The following GRM8 variants were observed in gnomAD, a reference collection of about 807,000 sequenced individuals.
GRM8 encodes metabotropic glutamate receptor 8.
Under a neutral mutation model 87.2 loss-of-function variants are expected in GRM8, and 47 were observed. The ratio of observed to expected loss-of-function variants is 0.54; its 90% confidence interval spans 0.43 to 0.69. The LOEUF (loss-of-function observed/expected upper bound fraction) is 0.69. Ranked by LOEUF, GRM8 falls within the 30% of genes least tolerant of loss-of-function variation. The pLI is 0.00. For synonymous variants in GRM8, 396 were observed against 404.5 expected (o/e 0.98, Z 0.25); for missense variants, 1,019 against 1,139.2 (o/e 0.89, Z 1.52).
At chr7:126,523,208 G>A (rs1813258852) in intron 9 of GRM8, among the ~76,000 whole-genome samples, 1 of 152,110 alleles carries the variant, frequency 6.6e-6, no homozygotes, top group South Asian at 2.1e-4. Flanking sequence ...CCCCTAATAT[G>A]AAAATGTACC....
At chr7:126,611,743 A>G (rs892509365) in intron 7 of GRM8, among the ~76,000 whole-genome samples, 1 of 152,342 alleles carries the variant, frequency 6.6e-6, no homozygotes, top group East Asian at 1.9e-4. Context: ...AAGATGAAAT[A>G]ATGTAATTTG....
chr7:126,793,306 TAAGAG>T (rs1313070586), intron 6 of GRM8, among the ~76,000 whole-genome samples: 2 of 152,166 alleles, frequency 1.3e-5, no homozygotes, highest in African/African-American at 4.8e-5. Flanking sequence ...TTTGCTGTAA[TAAGAG>T]AAGGTTATGA....
chr7:126,632,649 G>T (rs6959061), intron 7 of GRM8, among the ~76,000 whole-genome samples: 80,297 of 151,922 alleles, frequency 0.53, 21,619 homozygotes, highest in South Asian at 0.65. Flanking sequence ...CCATCAATAA[G>T]AGACTGGATA....
At chr7:126,847,150 A>C (rs1213359167) in intron 6 of GRM8, among the ~76,000 whole-genome samples, 1 of 152,176 alleles carries the variant, frequency 6.6e-6, no homozygotes, top group Non-Finnish European at 1.5e-5. Context: ...TGTCTAATAT[A>C]TCCCAAGCCT....
At chr7:126,451,428 A>G (rs1802606344) in intron 9 of GRM8, among the ~76,000 whole-genome samples, 1 of 151,768 alleles carries the variant, frequency 6.6e-6, no homozygotes. Flanking sequence ...CACTGGTGTT[A>G]CATTGCTCAG....
chr7:126,526,272 G>A (rs553068193), intron 9 of GRM8, among the ~76,000 whole-genome samples: 1 of 152,158 alleles, frequency 6.6e-6, no homozygotes, highest in Non-Finnish European at 1.5e-5. Flanking sequence ...TTAGGTTTGT[G>A]TATATGATAT....
chr7:126,989,783 T>C (rs951832196), intron 3 of GRM8, among the ~76,000 whole-genome samples: 1 of 147,486 alleles, frequency 6.8e-6, no homozygotes, highest in African/African-American at 2.7e-5. Context: ...CTTTACAAAA[T>C]GTACAGAAAA....
At chr7:127,153,749 T>C (rs1162475434) in intron 2 of GRM8, among the ~76,000 whole-genome samples, 2 of 152,138 alleles carry the variant, frequency 1.3e-5, no homozygotes, top group African/African-American at 4.8e-5. Context: ...TGGCACAAGG[T>C]AGATGCTCAT....
intron 2 of GRM8, among the ~76,000 whole-genome samples, chr7:127,170,595 C>T (rs144729762): frequency 2.6e-4 from 39 of 152,252 alleles, no homozygotes; most frequent in Non-Finnish European, 4.7e-4. Context: ...CAGCCCAAAT[C>T]CCCATCAATC....
Position 126,438,980 on chromosome 7 carries a change from AT to A in GRM8, c.*138del. 1 of 648,340 alleles carries A rather than the reference AT, an allele frequency of 1.5e-6. No homozygotes were observed. The highest frequency in any genetic ancestry group is 2.8e-6 in the Non-Finnish European group (1 of 358,594). 40.2% of individuals were successfully genotyped at this position (648,340 alleles called of 1,614,324 possible). A position where few individuals can be genotyped will look rare whatever the true frequency, so the allele number is the denominator to read the frequency against. On this transcript the variant is annotated 3_prime_UTR_variant, in exon 11 of 11. Transcript: ENST00000339582. ...TATTGATACTTTTGGCTCATGGCTA[AT>A]TTTTGTTCCTTACAAGACTGACTAT... is the stretch of plus-strand genomic sequence containing the variant.
Position 126,782,491 on chromosome 7 carries a change from A to G in GRM8, c.1157-12426T>C, listed in dbSNP as rs1042242926. Among the ~76,000 whole-genome samples, 3 of 152,216 alleles carry G rather than the reference A, an allele frequency of 2.0e-5. No homozygotes were observed. In the South Asian group the frequency reaches 6.2e-4, roughly 31 times the overall value. ...AGGAAATCACTGAATGAGTTTGCCC[A>G]TGAGGAATTAAAAGCATTGAAGGAA... On this transcript the variant is annotated intron_variant, in intron 6 of 10. Coordinates refer to ENST00000339582, the MANE Select transcript of GRM8 (RefSeq NM_000845.3).
At chr7:127,052,781 G>A (rs1413731251) in intron 3 of GRM8, among the ~76,000 whole-genome samples, 3 of 152,106 alleles carry the variant, frequency 2.0e-5, no homozygotes, top group Admixed American at 6.6e-5. Flanking sequence ...AGTTTCTCAT[G>A]TTTAGGAACT....
At chr7:126,448,196 G>T (rs1802227246) in intron 9 of GRM8, among the ~76,000 whole-genome samples, 1 of 151,792 alleles carries the variant, frequency 6.6e-6, no homozygotes, top group African/African-American at 2.4e-5. Flanking sequence ...ATGTTCCAAT[G>T]CCAGTCAAAT....
At chr7:126,754,227 T>G (rs1052672011) in intron 7 of GRM8, among the ~76,000 whole-genome samples, 2 of 151,812 alleles carry the variant, frequency 1.3e-5, no homozygotes, top group Non-Finnish European at 2.9e-5. Flanking sequence ...ATTAAACACC[T>G]TTCCCATGGG....
At chr7:126,629,050 T>C (rs1436435706) in intron 7 of GRM8, among the ~76,000 whole-genome samples, 5 of 152,160 alleles carry the variant, frequency 3.3e-5, no homozygotes, top group Non-Finnish European at 5.9e-5. Context: ...AAGAAAGGTA[T>C]ACTAAACAAC....
intron 9 of GRM8, among the ~76,000 whole-genome samples, chr7:126,466,504 T>C (rs1040501969): frequency 3.3e-5 from 5 of 151,968 alleles, no homozygotes; most frequent in African/African-American, 1.2e-4. Context: ...GTATATATTA[T>C]GGAAATTGGC....
intron 8 of GRM8, among the ~76,000 whole-genome samples, chr7:126,601,281 A>C (rs1585181759): frequency 6.6e-6 from 1 of 152,066 alleles, no homozygotes; most frequent in Non-Finnish European, 1.5e-5. Context: ...TTATGGCTGC[A>C]TAGTATTCCG....
At chr7:126,649,739 G>A (rs570295480) in intron 7 of GRM8, among the ~76,000 whole-genome samples, 2 of 152,244 alleles carry the variant, frequency 1.3e-5, no homozygotes, top group Non-Finnish European at 2.9e-5. Context: ...TCCTCAGTTG[G>A]ATGTGTTACT....
chr7:126,936,227 TG>T (rs914215107), intron 3 of GRM8, among the ~76,000 whole-genome samples: 85 of 152,310 alleles, frequency 5.6e-4, no homozygotes, highest in African/African-American at 1.9e-3. Context: ...ACTTGTCCTG[TG>T]ATTTTTTTTC....
Sources: allele counts gnomAD v4.1 joint callset (sites outside exome capture counted in the v4.1 genomes callset), GRCh38; gene constraint gnomAD v4.1.1; transcripts MANE v1.5; gene names NCBI Gene and HGNC (gene_info 2026-07-23, HGNC 2026-07-21).